Variants in CPA6 observed in about 807,000 individuals in gnomAD.
The protein encoded by CPA6 is carboxypeptidase A6.
A neutral mutation model predicts 63.3 loss-of-function variants in CPA6; 58 were observed. That is an observed-to-expected ratio of 0.92 (90% confidence interval 0.74 to 1.14). The LOEUF (loss-of-function observed/expected upper bound fraction) is 1.14, where lower values mean the gene tolerates loss of function less well. CPA6 is among the 50% of genes most tolerant of loss of function. CPA6 has a pLI of 0.00. For synonymous variants in CPA6, 185 were observed against 179.0 expected (o/e 1.03, Z -0.27); for missense variants, 565 against 526.6 (o/e 1.07, Z -0.71).
chr8:67,718,649 GT>G lies in CPA6; in HGVS notation c.116+27364del, dbSNP rs765690137. Among the ~76,000 whole-genome samples the G allele has an allele frequency of 1.1e-3, 150 of 141,018 alleles. 1 individual carries two copies. The highest frequency in any genetic ancestry group is 1.9e-3 in the South Asian group (8 of 4,296). 92.5% of individuals were successfully genotyped at this position (141,018 alleles called of 152,430 possible). A position where few individuals can be genotyped will look rare whatever the true frequency, so the allele number is the denominator to read the frequency against. On this transcript the variant is annotated intron_variant, in intron 1 of 10. Coordinates refer to ENST00000297770, the MANE Select transcript of CPA6 (RefSeq NM_020361.5). The stretch of plus-strand genomic sequence containing the variant: ...GGTTATCTGCACATAGACAGCTGAA[GT>G]TTTTTTTTTTTTTTTGAGATGTAGT...
At chr8:67,652,395 C>A (rs1815868845) in intron 1 of CPA6, among the ~76,000 whole-genome samples, 1 of 152,210 alleles carries the variant, frequency 6.6e-6, no homozygotes, top group South Asian at 2.1e-4. Flanking sequence ...CACATCTTCT[C>A]CAGCACCTGT....
intron 1 of CPA6, among the ~76,000 whole-genome samples, chr8:67,671,393 TCAC>T (rs1816339908): frequency 1.3e-5 from 2 of 152,238 alleles, no homozygotes; most frequent in Admixed American, 1.3e-4. Context: ...GAGTGGCTCT[TCAC>T]CAAGCTCCTG....
intron 2 of CPA6, among the ~76,000 whole-genome samples, chr8:67,589,092 TGGG>T (rs2128980399): frequency 6.6e-6 from 1 of 151,152 alleles, no homozygotes; most frequent in South Asian, 2.1e-4. Flanking sequence ...CACTCCGGCA[TGGG>T]TGACAGAGCA....
chr8:67,720,078 A>G (rs905698381), intron 1 of CPA6, among the ~76,000 whole-genome samples: 4 of 151,804 alleles, frequency 2.6e-5, no homozygotes, highest in Admixed American at 6.6e-5. Flanking sequence ...GCGAAGGGAG[A>G]TAAGGGTGGG....
At chr8:67,634,675 C>A (rs1276366858) in intron 1 of CPA6, among the ~76,000 whole-genome samples, 2 of 151,536 alleles carry the variant, frequency 1.3e-5, no homozygotes, top group African/African-American at 2.4e-5. Context: ...GACCAATGAA[C>A]CACTGCATAT....
chr8:67,644,970 T>C (rs544834209), intron 1 of CPA6, among the ~76,000 whole-genome samples: 1 of 152,324 alleles, frequency 6.6e-6, no homozygotes, highest in South Asian at 2.1e-4. Flanking sequence ...TTTGTTACTC[T>C]ACTTCTACGA....
At chr8:67,447,536 CACACACACACATACACA>C (rs1563956684) in intron 8 of CPA6, among the ~76,000 whole-genome samples, 1 of 147,214 alleles carries the variant, frequency 6.8e-6, no homozygotes, top group African/African-American at 2.7e-5. Flanking sequence ...CACACACACA[CACACACACACATACACA>C]TTTTAAATAG....
In CPA6 at chr8:67,572,872, G is replaced by A. The variant is rs1022864180; in HGVS notation, c.192+51304C>T. Among the ~76,000 whole-genome samples the A allele has an allele frequency of 2.0e-5, 3 of 152,194 alleles. 1 individual carries two copies. The highest frequency in any genetic ancestry group is 4.2e-4 in the South Asian group (2 of 4,812). ...ACCAATATCTTTGACGAATATAGACGCAGAAATCCTCAACAAAATGCTAGC... is the reference window on the plus strand; with the variant it reads ...ACCAATATCTTTGACGAATATAGACACAGAAATCCTCAACAAAATGCTAGC... On this transcript the variant is annotated intron_variant, in intron 2 of 10. Coordinates refer to ENST00000297770, the MANE Select transcript of CPA6 (RefSeq NM_020361.5).
chr8:67,633,360 T>C (rs1815386990), intron 1 of CPA6, among the ~76,000 whole-genome samples: 2 of 152,248 alleles, frequency 1.3e-5, no homozygotes, highest in Admixed American at 1.3e-4. Context: ...AGGTTCTTAT[T>C]GCCCTTTTCT....
intron 1 of CPA6, among the ~76,000 whole-genome samples, chr8:67,652,823 G>A (rs1815880882): frequency 6.6e-6 from 1 of 151,958 alleles, no homozygotes; most frequent in Non-Finnish European, 1.5e-5. Context: ...CCATGCCTAT[G>A]TCCTGAATGG....
intron 8 of CPA6, among the ~76,000 whole-genome samples, chr8:67,472,134 C>A (rs1252428347): frequency 1.3e-5 from 2 of 152,042 alleles, no homozygotes; most frequent in Non-Finnish European, 2.9e-5. Flanking sequence ...TACTCATATG[C>A]TGACAGAAAG....
intron 1 of CPA6, among the ~76,000 whole-genome samples, chr8:67,734,100 A>G (rs1230979266): frequency 6.7e-6 from 1 of 150,352 alleles, no homozygotes; most frequent in Admixed American, 6.6e-5. Flanking sequence ...TGGGTCTCCA[A>G]CTCCTGGGCT....
intron 2 of CPA6, among the ~76,000 whole-genome samples, chr8:67,562,534 A>G (rs1050782329): frequency 3.9e-5 from 6 of 152,192 alleles, no homozygotes; most frequent in African/African-American, 1.4e-4. Context: ...AGTTGGTACT[A>G]TGTCTGACTG....
intron 8 of CPA6, among the ~76,000 whole-genome samples, chr8:67,455,708 AG>A (rs1810660603): frequency 6.7e-6 from 1 of 148,602 alleles, no homozygotes; most frequent in South Asian, 2.1e-4. Context: ...ATGATTGCCA[AG>A]ACTGTTTTTT....
intron 2 of CPA6, among the ~76,000 whole-genome samples, chr8:67,540,531 G>A (rs1329783383): frequency 1.3e-5 from 2 of 152,214 alleles, no homozygotes; most frequent in East Asian, 1.9e-4. Context: ...GAGCTCAAGC[G>A]CTGTGCTGGG....
At chr8:67,522,826 A>C (rs777556055) in intron 2 of CPA6, among the ~76,000 whole-genome samples, 11 of 152,216 alleles carry the variant, frequency 7.2e-5, no homozygotes, top group Admixed American at 1.3e-4. Flanking sequence ...TGCAGTGGGC[A>C]GGCGTGGGAT....
intron 2 of CPA6, among the ~76,000 whole-genome samples, chr8:67,578,432 CT>C (rs1813681118): frequency 6.6e-6 from 1 of 152,178 alleles, no homozygotes; most frequent in South Asian, 2.1e-4. Context: ...GGTGATTTGG[CT>C]TGTCTTGGCT....
chr8:67,722,871 A>T (rs572149978), intron 1 of CPA6, among the ~76,000 whole-genome samples: 1 of 152,026 alleles, frequency 6.6e-6, no homozygotes, highest in South Asian at 2.1e-4. Flanking sequence ...TAAATCTCTC[A>T]TGTTGGTATA....
In CPA6 at chr8:67,575,197, A is replaced by G. The variant is rs180990422; in HGVS notation, c.192+48979T>C. Among the ~76,000 whole-genome samples, 695 of 152,346 alleles carry G rather than the reference A, an allele frequency of 4.6e-3. 4 individuals carry two copies. Among genetic ancestry groups the G allele is most frequent in the African/African-American group, 0.016 (649 of 41,574 alleles). On this transcript the variant is annotated intron_variant, in intron 2 of 10. Transcript: ENST00000297770. Reference sequence around the variant, plus strand: ...AATCCACAATGAGATATCACCTCATACCTGATAGGATGGCTATTACCAAAA... The same window carrying G: ...AATCCACAATGAGATATCACCTCATGCCTGATAGGATGGCTATTACCAAAA...
Sources: allele counts gnomAD v4.1 joint callset (sites outside exome capture counted in the v4.1 genomes callset), GRCh38; gene constraint gnomAD v4.1.1; transcripts MANE v1.5; gene names NCBI Gene and HGNC (gene_info 2026-07-23, HGNC 2026-07-21).